DAB2IP: variants seen among roughly 807,000 people sequenced by gnomAD.
DAB2IP encodes the protein disabled homolog 2-interacting protein.
DAB2IP carries 28 observed loss-of-function variants against 107.2 expected under a neutral mutation model. The ratio of observed to expected loss-of-function variants is 0.26; its 90% CI spans 0.19 to 0.36. The LOEUF (loss-of-function observed/expected upper bound fraction) is 0.36, where lower values mean the gene tolerates loss of function less well. DAB2IP is among the 10% of genes least tolerant of loss of function. DAB2IP has a pLI of 1.00. For synonymous variants in DAB2IP, 755 were observed against 706.4 expected (o/e 1.07, Z -1.09); for missense variants, 1,400 against 1,644.7 (o/e 0.85, Z 2.57).
At chr9:121,759,777 C>T in intron 5 of DAB2IP, 108 bp from the exon 6 acceptor site, 1 of 1,036,484 alleles carries the variant, frequency 9.6e-7, no homozygotes, top group Admixed American at 2.8e-5. Flanking sequence ...CTGCCGCCTC[C>T]ACCTTCAGAG....
At chr9:121,642,029 C>CTCTCTCTCTCTTTCTTTCTTTCTTTCTT (rs1392950950) in intron 1 of DAB2IP, among the ~76,000 whole-genome samples, 6 of 26,650 alleles carry the variant, frequency 2.3e-4, no homozygotes, top group East Asian at 1.5e-3. Flanking sequence ...CTCTCTCTCT[C>CTCTCTCTCTCTTTCTTTCTTTCTTTCTT]TCTTTCTTTC....
chr9:121,741,687 C>G (rs187958521), intron 3 of DAB2IP, among the ~76,000 whole-genome samples: 1 of 151,658 alleles, frequency 6.6e-6, no homozygotes, highest in South Asian at 2.1e-4. Context: ...AAGAAACAGG[C>G]TGAGAGAAAG....
At chr9:121,628,015 T>C (rs368175356) in intron 1 of DAB2IP, among the ~76,000 whole-genome samples, 69 of 152,332 alleles carry the variant, frequency 4.5e-4, no homozygotes, top group African/African-American at 1.4e-3. Flanking sequence ...TCCCTCTGTC[T>C]GCAGGAAGCA....
intron 3 of DAB2IP, among the ~76,000 whole-genome samples, chr9:121,739,857 A>G (rs1356870646): frequency 6.6e-6 from 1 of 152,168 alleles, no homozygotes; most frequent in Non-Finnish European, 1.5e-5. Context: ...GTGCTAAGGA[A>G]GTGTCTCCGA....
intron 1 of DAB2IP, among the ~76,000 whole-genome samples, chr9:121,673,400 A>G (rs1036849625): frequency 6.6e-6 from 1 of 152,196 alleles, no homozygotes; most frequent in South Asian, 2.1e-4. Context: ...GGAACTCACT[A>G]TAGAGCTGCC....
At chr9:121,742,900 G>C in intron 3 of DAB2IP, 1 of 985,478 alleles carries the variant, frequency 1.0e-6, no homozygotes, top group Non-Finnish European at 1.2e-6. Flanking sequence ...CTGAAAGCCT[G>C]GTGGTGGGGC....
At chr9:121,642,037 T>C (rs370602512) in intron 1 of DAB2IP, among the ~76,000 whole-genome samples, 440 of 16,218 alleles carry the variant, frequency 0.027, 1 homozygote, top group East Asian at 0.04. Flanking sequence ...CTCTCTTTCT[T>C]TCTTTCTTTC....
chr9:121,681,125 G>A (rs184118910), intron 2 of DAB2IP, among the ~76,000 whole-genome samples: 2 of 152,116 alleles, frequency 1.3e-5, no homozygotes, highest in East Asian at 1.9e-4. Flanking sequence ...AACAGGTTCC[G>A]AGAGGTAAAG....
intron 1 of DAB2IP, among the ~76,000 whole-genome samples, chr9:121,669,335 A>G (rs773033551): frequency 6.6e-6 from 1 of 152,204 alleles, no homozygotes; most frequent in African/African-American, 2.4e-5. Flanking sequence ...TGCATCTTAC[A>G]TAACTATAGG....
chr9:121,618,005 T>C (rs963797723), intron 1 of DAB2IP, among the ~76,000 whole-genome samples: 1 of 152,184 alleles, frequency 6.6e-6, no homozygotes, highest in African/African-American at 2.4e-5. Context: ...TTTGTCACAT[T>C]GGGATCACCT....
chr9:121,623,748 T>C (rs1219902551), intron 1 of DAB2IP, among the ~76,000 whole-genome samples: 1 of 152,040 alleles, frequency 6.6e-6, no homozygotes, highest in Non-Finnish European at 1.5e-5. Context: ...AGTGCAGTGG[T>C]GTGATCTCAG....
intron 3 of DAB2IP, among the ~76,000 whole-genome samples, chr9:121,709,151 TA>T (rs1364046808): frequency 6.6e-6 from 1 of 152,198 alleles, no homozygotes; most frequent in Non-Finnish European, 1.5e-5. Flanking sequence ...TCTATTTCAG[TA>T]AAGCAAAAAC....
At chr9:121,614,214 C>T (rs1352572433) in intron 1 of DAB2IP, among the ~76,000 whole-genome samples, 4 of 152,174 alleles carry the variant, frequency 2.6e-5, no homozygotes, top group Non-Finnish European at 5.9e-5. Flanking sequence ...CAGGGATCCT[C>T]ATCGTGTTCT....
In DAB2IP at chr9:121,760,458, G is replaced by A; in HGVS notation, c.1170+19G>A. 2 of 1,565,856 alleles carry A rather than the reference G, an allele frequency of 1.3e-6. No homozygotes were observed. Among genetic ancestry groups the A allele is most frequent in the Non-Finnish European group, 8.6e-7 (1 of 1,160,184 alleles). ...GGTGAAGGTGCGTGCAGGCCCCTCGGCTCCTGACACAGGCTGGGCGGCAGC... is the reference window on the plus strand; with the variant it reads ...GGTGAAGGTGCGTGCAGGCCCCTCGACTCCTGACACAGGCTGGGCGGCAGC... On this transcript the variant is annotated intron_variant, in intron 6 of 15. Transcript: ENST00000408936. This position sits in a 1 kb window ranked among gnomAD's most constrained non-coding sequence, Gnocchi z 5.9.
chr9:121,692,786 T>C lies in DAB2IP; in HGVS notation c.229-6539T>C, dbSNP rs140563034. Reference sequence around the variant, plus strand: ...TTCCATTAGTGAGTCATTCTCCAGCTGGGACTCTCTTTGATGGTGCATACC... The same window carrying C: ...TTCCATTAGTGAGTCATTCTCCAGCCGGGACTCTCTTTGATGGTGCATACC... On this transcript the variant is annotated intron_variant, in intron 2 of 15. Coordinates refer to ENST00000408936, the Ensembl canonical transcript of DAB2IP. 7.5e-3 allele frequency among the ~76,000 whole-genome samples: 1,145 copies of C among 152,314 alleles called. 13 individuals are homozygous for C. Among genetic ancestry groups the C allele is most frequent in the African/African-American group, 0.026 (1,097 of 41,566 alleles).
intron 3 of DAB2IP, among the ~76,000 whole-genome samples, chr9:121,747,513 A>C (rs557825883): frequency 6.6e-6 from 1 of 151,914 alleles, no homozygotes; most frequent in African/African-American, 2.4e-5. Context: ...ACGCCCAGCT[A>C]ATTTTTTGTA....
intron 1 of DAB2IP, among the ~76,000 whole-genome samples, chr9:121,641,833 CTTTT>C (rs1303513810): frequency 6.6e-6 from 1 of 151,366 alleles, no homozygotes; most frequent in Non-Finnish European, 1.5e-5. Context: ...CTCTTTCTTT[CTTTT>C]CTTTCTTTCT....
At position 121,782,229 on chromosome 9, in the gene DAB2IP, C is replaced by G; in HGVS notation, c.3403-102C>G. ...CTCACAGCCCGGAGCCTGCCTGCCA[C>G]CCTCATCTCCAGGCCACCCCCTTCC... On this transcript the variant is annotated intron_variant, in intron 15 of 15. Coordinates refer to ENST00000408936, the Ensembl canonical transcript of DAB2IP. This position sits in a 1 kb window ranked among gnomAD's most constrained non-coding sequence, Gnocchi z 6.1. 1 of 1,515,584 alleles carries G rather than the reference C, an allele frequency of 6.6e-7. No homozygotes were observed. Among genetic ancestry groups the G allele is most frequent in the Non-Finnish European group, 8.9e-7 (1 of 1,128,244 alleles). The allele number at this position is 1,515,584 out of a possible 1,614,324, so 93.9% of individuals were successfully genotyped here. A position where few individuals can be genotyped will look rare whatever the true frequency, so the allele number is the denominator to read the frequency against.
chr9:121,585,447 G>A (rs565493479), intron 1 of DAB2IP, among the ~76,000 whole-genome samples: 6 of 152,214 alleles, frequency 3.9e-5, no homozygotes, highest in South Asian at 2.1e-4. Context: ...GAGTTGATAC[G>A]GATTAAAGCA....
Sources: gnomAD v4.1 joint callset for allele counts (sites outside exome capture counted in the v4.1 genomes callset) on GRCh38, gnomAD v4.1.1 for gene constraint, Gnocchi (gnomAD v3.1) non-coding constraint, MANE v1.5 for transcripts, NCBI Gene and HGNC (gene_info 2026-07-23, HGNC 2026-07-21) for gene names.